WWOX: variants seen among roughly 807,000 people sequenced by gnomAD.
WWOX encodes the protein WW domain containing oxidoreductase.
A neutral mutation model predicts 46.2 loss-of-function variants in WWOX; 69 were observed. That is an observed-to-expected ratio of 1.49 (90% CI 1.23 to 1.82). The LOEUF (loss-of-function observed/expected upper bound fraction) is 1.82, where lower values mean the gene tolerates loss of function less well. Ranked by LOEUF, WWOX falls within the 40% of genes most tolerant of loss-of-function variation. The probability of loss-of-function intolerance (pLI) is 0.00; values close to 1 mark genes in which losing one functional copy is unlikely to be tolerated. For synonymous variants in WWOX, 359 were observed against 202.6 expected, an observed-to-expected ratio of 1.77 and a Z score of -6.56; for missense variants, 919 against 542.6, an observed-to-expected ratio of 1.69 and a Z score of -6.89.
At chr16:78,244,781 A>G (rs1339311352) in intron 5 of WWOX, among the ~76,000 whole-genome samples, 2 of 152,164 alleles carry the variant, frequency 1.3e-5, no homozygotes, top group African/African-American at 4.8e-5. Context: ...TACAGCCCTT[A>G]TCCAGTGAAT....
At chr16:78,676,340 C>T (rs561986969) in intron 8 of WWOX, among the ~76,000 whole-genome samples, 1 of 152,136 alleles carries the variant, frequency 6.6e-6, no homozygotes, top group African/African-American at 2.4e-5. Context: ...GCATTGCCCT[C>T]CATTCAGATC....
intron 8 of WWOX, among the ~76,000 whole-genome samples, chr16:78,528,171 T>A (rs1283144033): frequency 9.2e-6 from 1 of 109,026 alleles, no homozygotes; most frequent in Non-Finnish European, 2.0e-5. Flanking sequence ...GCTAATTTTT[T>A]TTTTTTTTTT....
intron 5 of WWOX, among the ~76,000 whole-genome samples, chr16:78,211,135 G>A (rs1161227180): frequency 3.3e-5 from 5 of 152,096 alleles, no homozygotes; most frequent in Admixed American, 6.5e-5. Flanking sequence ...AATTTATTTT[G>A]GGTTCTGGCC....
At chr16:78,575,542 C>T (rs2667523) in intron 8 of WWOX, among the ~76,000 whole-genome samples, 1 of 152,036 alleles carries the variant, frequency 6.6e-6, no homozygotes, top group South Asian at 2.1e-4. Flanking sequence ...CTTGTGACTT[C>T]AGCTTTGTTT....
intron 8 of WWOX, among the ~76,000 whole-genome samples, chr16:78,868,534 T>C (rs1396585516): frequency 6.6e-6 from 1 of 152,218 alleles, no homozygotes; most frequent in African/African-American, 2.4e-5. Context: ...GAATTTCACA[T>C]TAATAAAGTC....
chr16:78,686,683 T>A (rs2047869032), intron 8 of WWOX, among the ~76,000 whole-genome samples: 1 of 152,130 alleles, frequency 6.6e-6, no homozygotes, highest in Non-Finnish European at 1.5e-5. Context: ...ATAAGGACAT[T>A]TTTCCGGGAA....
intron 8 of WWOX, among the ~76,000 whole-genome samples, chr16:78,902,485 A>G (rs761848722): frequency 6.6e-6 from 1 of 152,228 alleles, no homozygotes; most frequent in Non-Finnish European, 1.5e-5. Flanking sequence ...GGGTTAAGGC[A>G]TTTCACAATG....
intron 8 of WWOX, among the ~76,000 whole-genome samples, chr16:78,632,261 G>C (rs1045521060): frequency 6.6e-6 from 1 of 152,238 alleles, no homozygotes; most frequent in Admixed American, 6.5e-5. Flanking sequence ...TTTGCTTCCA[G>C]GGATTGTTTT....
intron 8 of WWOX, among the ~76,000 whole-genome samples, chr16:78,808,020 C>T (rs181725441): frequency 1.3e-5 from 2 of 152,288 alleles, no homozygotes; most frequent in Non-Finnish European, 2.9e-5. Context: ...TAAAGTCAAC[C>T]AGTTCAAATG....
At chr16:78,990,803 C>G (rs2046872905) in intron 8 of WWOX, among the ~76,000 whole-genome samples, 1 of 152,212 alleles carries the variant, frequency 6.6e-6, no homozygotes, top group Non-Finnish European at 1.5e-5. Flanking sequence ...CTGTCTTAAT[C>G]AAGCTTTGCC....
intron 5 of WWOX, among the ~76,000 whole-genome samples, chr16:78,307,239 T>C (rs2080151912): frequency 6.6e-6 from 1 of 152,184 alleles, no homozygotes; most frequent in African/African-American, 2.4e-5. Flanking sequence ...GCTAGCACAA[T>C]GCCAAGTGTC....
intron 5 of WWOX, among the ~76,000 whole-genome samples, chr16:78,302,543 A>T (rs1380310099): frequency 6.6e-6 from 1 of 152,180 alleles, no homozygotes; most frequent in African/African-American, 2.4e-5. Flanking sequence ...AAAACAAAAT[A>T]AAAATGCTGA....
chr16:78,206,981 A>G lies in WWOX; in HGVS notation c.516+42692A>G, dbSNP rs574322625. Among the ~76,000 whole-genome samples the G allele has an allele frequency of 2.6e-5, 4 of 152,342 alleles. No individual in the cohort carries two copies. In the East Asian group the frequency reaches 7.7e-4, roughly 29 times the overall value. ...GTTTAATCTGCATAGTGTTTCATCA[A>G]GATAGATTCCTTGTTATCCTCATTT... is the stretch of plus-strand genomic sequence containing the variant. On this transcript the variant is annotated intron_variant, in intron 5 of 8. Transcript: ENST00000566780.
rs77435444 is a variant in WWOX at position 78,832,391 on chromosome 16, G to T, written c.1057-379217G>T. Among the ~76,000 whole-genome samples the T allele has an allele frequency of 2.0e-3, 301 of 152,242 alleles. 9 individuals are homozygous for T. The East Asian group carries it at 0.04, about 20-fold the overall frequency. ...ATTCTTAGACATCATGCACTGTCAA[G>T]CACCGTAACTTTAGCTACATTCTAT... On this transcript the variant is annotated intron_variant, in intron 8 of 8. Transcript: ENST00000566780.
At chr16:78,956,012 CT>C (rs926966202) in intron 8 of WWOX, among the ~76,000 whole-genome samples, 87 of 149,294 alleles carry the variant, frequency 5.8e-4, no homozygotes, top group African/African-American at 1.8e-3. Flanking sequence ...ACAAAAAAAA[CT>C]TTTTTTTTTA....
At chr16:78,880,859 C>A (rs1314503700) in intron 8 of WWOX, among the ~76,000 whole-genome samples, 1 of 152,106 alleles carries the variant, frequency 6.6e-6, no homozygotes, top group African/African-American at 2.4e-5. Context: ...CAGAGAAATG[C>A]TCTGCCTTCT....
At position 79,178,655 on chromosome 16, in the gene WWOX, A is replaced by G. The variant is rs1021522943; in HGVS notation, c.1057-32953A>G. ...ACATATTAAAAATTTCATCTCTCCA[A>G]TCTTCGAAGAATCCGTAGTCCATTT... On this transcript the variant is annotated intron_variant, in intron 8 of 8. Transcript: ENST00000566780. Among the ~76,000 whole-genome samples, 12 of 152,030 alleles carry G rather than the reference A, an allele frequency of 7.9e-5. No homozygotes were observed. The East Asian group carries it at 2.1e-3, about 27-fold the overall frequency.
At chr16:78,408,961 A>C (rs768585868) in intron 6 of WWOX, among the ~76,000 whole-genome samples, 70 of 152,298 alleles carry the variant, frequency 4.6e-4, no homozygotes, top group Non-Finnish European at 8.8e-4. Flanking sequence ...TACTGTACAG[A>C]TGAGAGCCAG....
intron 8 of WWOX, among the ~76,000 whole-genome samples, chr16:79,127,637 C>T (rs895849407): frequency 6.6e-6 from 1 of 152,192 alleles, no homozygotes; most frequent in Non-Finnish European, 1.5e-5. Context: ...TTAGAAATAG[C>T]AGCATCGGCT....
Sources: gnomAD v4.1 joint callset for allele counts (sites outside exome capture counted in the v4.1 genomes callset) on GRCh38, gnomAD v4.1.1 for gene constraint, MANE v1.5 for transcripts, NCBI Gene and HGNC (gene_info 2026-07-23, HGNC 2026-07-21) for gene names.